Variants in DSC3 observed in about 807,000 individuals in gnomAD.
DSC3 encodes desmocollin-3.
Under a neutral mutation model 89.5 loss-of-function variants are expected in DSC3, and 97 were observed. That is an observed-to-expected ratio of 1.08 (90% CI 0.92 to 1.28). DSC3 has a LOEUF of 1.28. Among genes scored for constraint, DSC3 ranks in the 50% most tolerant of loss-of-function variants. The probability of loss-of-function intolerance (pLI) is 0.00; values close to 1 mark genes in which losing one functional copy is unlikely to be tolerated. For missense variants in DSC3, 1,199 were observed against 1,085.3 expected, an observed-to-expected ratio of 1.10 and a Z score of -1.47; for synonymous variants, 436 against 384.1, an observed-to-expected ratio of 1.14 and a Z score of -1.58.
At chr18:31,041,203 C>T (rs550270878) in intron 1 of DSC3, among the ~76,000 whole-genome samples, 10 of 152,284 alleles carry the variant, frequency 6.6e-5, no homozygotes, top group East Asian at 3.9e-4. Context: ...TTTCGTTCCC[C>T]ATCCTCAATC....
intron 7 of DSC3, among the ~76,000 whole-genome samples, chr18:31,021,200 A>T (rs1985407673): frequency 6.6e-6 from 1 of 151,992 alleles, no homozygotes; most frequent in Admixed American, 6.6e-5. Flanking sequence ...TGTATCTTAC[A>T]AGTTGTGGAC....
At chr18:31,025,975 T>A in intron 4 of DSC3, 60 bp from the exon 5 acceptor site, 2 of 1,424,902 alleles carry the variant, frequency 1.4e-6, no homozygotes, top group Non-Finnish European at 2.0e-6. Context: ...CAATATTTTT[T>A]AAATGCAGCT....
At chr18:31,022,585 A>C in intron 6 of DSC3, 83 bp from the exon 7 acceptor site, 1 of 1,474,352 alleles carries the variant, frequency 6.8e-7, no homozygotes, top group Non-Finnish European at 9.4e-7. Context: ...TTAAAATGTT[A>C]ACAGTGATGA....
chr18:30,999,084 A>C lies in DSC3; in HGVS notation c.2236-2036T>G, dbSNP rs1202240321. Among the ~76,000 whole-genome samples the C allele has an allele frequency of 2.0e-5, 3 of 152,134 alleles. No homozygotes were observed. In the East Asian group the frequency reaches 5.8e-4, roughly 29 times the overall value. On this transcript the variant is annotated intron_variant, in intron 14 of 15. Coordinates refer to ENST00000360428, the MANE Select transcript of DSC3 (RefSeq NM_001941.5). ...AACTTAATACTGGAACTTCACTCCG[A>C]CCCTCTGAGCCATAGGACAGAAGTT...
At chr18:31,038,110 A>C (rs1294455740) in intron 1 of DSC3, among the ~76,000 whole-genome samples, 1 of 152,218 alleles carries the variant, frequency 6.6e-6, no homozygotes, top group African/African-American at 2.4e-5. Context: ...TAAAATATTT[A>C]TATCTTACAA....
At position 31,007,124 on chromosome 18, in the gene DSC3, T is replaced by C; in HGVS notation, c.1671A>G (p.Arg557=). 1.9e-6 allele frequency: 3 copies of C among 1,610,676 alleles called. No homozygotes were observed. In the South Asian group the frequency reaches 3.3e-5, roughly 18 times the overall value. ...TCACAGCAAGTGTTCCAGTACATGA[T>C]CTATCATCTAAGGAGACAGGAATAA... ...ITVLAIDKDD[R]SCTGTLAVNI... The change falls in exon 12 of 16, where the codon AGA becomes AGG. Residue 557 remains arginine, a synonymous_variant. Transcript: ENST00000360428.
intron 8 of DSC3, among the ~76,000 whole-genome samples, 194 bp from the exon 9 acceptor site, chr18:31,018,450 T>C (rs994346882): frequency 2.0e-5 from 3 of 152,158 alleles, no homozygotes; most frequent in Non-Finnish European, 2.9e-5. Context: ...AAATGAAGAC[T>C]CATGGTACTG....
At position 30,991,885 on chromosome 18, in the gene DSC3, G is replaced by T. The variant is rs1984257334; in HGVS notation, c.*2290C>A. ...AAGACGACTTTAAACGGAAAACAAGGCCGGGAGCGGTGGGTCATGCCTGTA... is the reference window on the plus strand; with the variant it reads ...AAGACGACTTTAAACGGAAAACAAGTCCGGGAGCGGTGGGTCATGCCTGTA... On this transcript the variant is annotated 3_prime_UTR_variant, in exon 16 of 16. Transcript: ENST00000360428. 6.6e-6 allele frequency: 1 copy of T among 152,230 alleles called. No individual in the cohort carries two copies. Among genetic ancestry groups the T allele is most frequent in the African/African-American group, 2.4e-5 (1 of 41,442 alleles). The allele number at this position is 152,230 out of a possible 1,614,324, so 9.4% of individuals were successfully genotyped here. A position where few individuals can be genotyped will look rare whatever the true frequency, so the allele number is the denominator to read the frequency against.
intron 11 of DSC3, among the ~76,000 whole-genome samples, chr18:31,007,413 G>A (rs766724598): frequency 6.6e-6 from 1 of 152,080 alleles, no homozygotes; most frequent in African/African-American, 2.4e-5. Flanking sequence ...ATTTTTGGGG[G>A]TTCCAGGTGC....
chr18:31,011,646 A>G (rs918827973), intron 9 of DSC3, among the ~76,000 whole-genome samples: 3 of 152,288 alleles, frequency 2.0e-5, no homozygotes, highest in Non-Finnish European at 4.4e-5. Flanking sequence ...TTTGAACACC[A>G]TGATTATACA....
intron 1 of DSC3, among the ~76,000 whole-genome samples, chr18:31,041,980 C>A (rs1986148175): frequency 6.6e-6 from 1 of 152,116 alleles, no homozygotes; most frequent in Admixed American, 6.5e-5. Flanking sequence ...GCGCCCCCGG[C>A]ACATCCCGCC....
At position 30,992,122 on chromosome 18, in the gene DSC3, A is replaced by C. The variant is rs1032183307; in HGVS notation, c.*2053T>G. 7.8e-6 allele frequency: 1 copy of C among 128,152 alleles called. No individual in the cohort carries two copies. Among genetic ancestry groups the C allele is most frequent in the Non-Finnish European group, 1.6e-5 (1 of 62,812 alleles). The allele number at this position is 128,152 out of a possible 1,614,324, so 7.9% of individuals were successfully genotyped here. ...GGAGCTTTCAGTGAGCAGAGATCGG[A>C]GCCACTGCACTCCAGCCTGTGCGTC... On this transcript the variant is annotated 3_prime_UTR_variant, in exon 16 of 16. Coordinates refer to ENST00000360428, the MANE Select transcript of DSC3 (RefSeq NM_001941.5).
rs73409865 is a variant in DSC3 at position 31,007,523 on chromosome 18, G to T, written c.1664-392C>A. On this transcript the variant is annotated intron_variant, in intron 11 of 15. Transcript: ENST00000360428. ...TTTTTTTAAAATATAAGATTCCTAG[G>T]CTCCACAACCGGATATTCTGATTCA... Among the ~76,000 whole-genome samples, 688 of 152,118 alleles carry T rather than the reference G, an allele frequency of 4.5e-3. 7 individuals are homozygous for T. The highest frequency in any genetic ancestry group is 0.016 in the African/African-American group (659 of 41,504).
Position 31,032,243 on chromosome 18 carries a change from C to T in DSC3, c.103G>A (p.Val35Met). Residue 35 changes from valine to methionine, a missense_variant, in exon 2 of 16, where the codon GTG becomes ATG. Val to Met is a conservative substitution (Grantham distance 21). Coordinates refer to ENST00000360428, the MANE Select transcript of DSC3 (RefSeq NM_001941.5). ...AGTTTAGAAGGTACATTAAGTATCA[C>T]CTTTTTGCAGGCTTCACCAGCACGA... is the stretch of plus-strand genomic sequence containing the variant. ...FSRAGEACKKVILNVPSKLEA... is the reference protein window; with the variant it reads ...FSRAGEACKKMILNVPSKLEA... 6.2e-7 allele frequency: 1 copy of T among 1,613,740 alleles called. No individual in the cohort carries two copies.
Position 30,993,961 on chromosome 18 carries a change from G to A in DSC3, c.*214C>T. On this transcript the variant is annotated 3_prime_UTR_variant, in exon 16 of 16. Coordinates refer to ENST00000360428, the MANE Select transcript of DSC3 (RefSeq NM_001941.5). ...CTTTAGAGACCTTAATTCCAGTGCT[G>A]GAGTTTGAGATTTACCAGTTGTCTG... 2.0e-6 allele frequency: 1 copy of A among 499,012 alleles called. No homozygotes were observed. The highest frequency in any genetic ancestry group is 3.4e-5 in the Admixed American group (1 of 29,566). 30.9% of individuals were successfully genotyped at this position (499,012 alleles called of 1,614,324 possible). A position where few individuals can be genotyped will look rare whatever the true frequency, so the allele number is the denominator to read the frequency against.
chr18:31,012,422 T>C (rs967095077), intron 9 of DSC3, among the ~76,000 whole-genome samples: 1 of 152,192 alleles, frequency 6.6e-6, no homozygotes, highest in African/African-American at 2.4e-5. Context: ...AGCTCAGGGA[T>C]TATGAATAAG....
chr18:31,036,112 A>G (rs1006000249), intron 1 of DSC3, among the ~76,000 whole-genome samples: 1 of 152,192 alleles, frequency 6.6e-6, no homozygotes, highest in Non-Finnish European at 1.5e-5. Flanking sequence ...TTACTGTGCC[A>G]TACATGAACA....
chr18:31,041,866 A>G (rs1986143594), intron 1 of DSC3, among the ~76,000 whole-genome samples: 1 of 151,796 alleles, frequency 6.6e-6, no homozygotes, highest in Non-Finnish European at 1.5e-5. Context: ...CGCATCCATC[A>G]TCCCCCACCA....
rs753599724 is a variant in DSC3, at chr18:31,029,589, G to A, written c.394C>T (p.Arg132Cys). The part of the protein sequence containing the change: ...TRHTRETVLR[R>C]AKRRWAPIPC... Reference sequence around the variant, plus strand: ...ATAGGTGCCCATCTCCTCTTGGCACGCCTGAGAACAGTTTCTCTAGTGTGT... The same window carrying A: ...ATAGGTGCCCATCTCCTCTTGGCACACCTGAGAACAGTTTCTCTAGTGTGT... Residue 132 changes from arginine to cysteine, a missense_variant, in exon 4 of 16, where the codon CGT becomes TGT. Coordinates refer to ENST00000360428, the MANE Select transcript of DSC3 (RefSeq NM_001941.5). 9.3e-6 allele frequency: 15 copies of A among 1,613,608 alleles called. 1 individual carries two copies. Among genetic ancestry groups the A allele is most frequent in the East Asian group, 2.2e-5 (1 of 44,870 alleles).
Sources: gnomAD v4.1 joint callset for allele counts (sites outside exome capture counted in the v4.1 genomes callset) on GRCh38, gnomAD v4.1.1 for gene constraint, MANE v1.5 for transcripts, NCBI Gene and HGNC (gene_info 2026-07-23, HGNC 2026-07-21) for gene names.